Variants in COBL observed in about 807,000 individuals in gnomAD.
COBL encodes protein cordon-bleu.
A neutral mutation model predicts 98.8 loss-of-function variants in COBL; 51 were observed. The observed-to-expected ratio is 0.52, with a 90% CI of 0.41 to 0.65. The LOEUF (loss-of-function observed/expected upper bound fraction) is 0.65. COBL is among the 30% of genes least tolerant of loss of function. COBL has a pLI of 0.00. For synonymous variants in COBL, 634 were observed against 651.7 expected, an observed-to-expected ratio of 0.97 and a Z score of 0.41; for missense variants, 1,617 against 1,617.5, an observed-to-expected ratio of 1.00 and a Z score of 0.01.
intron 6 of COBL, among the ~76,000 whole-genome samples, chr7:51,103,080 A>G (rs1459229556): frequency 6.6e-6 from 1 of 152,224 alleles, no homozygotes; most frequent in East Asian, 1.9e-4. Context: ...AAAAAATAAC[A>G]TTCTTAAAAA....
chr7:51,284,447 A>G (rs1012645223), intron 1 of COBL, among the ~76,000 whole-genome samples: 1 of 152,186 alleles, frequency 6.6e-6, no homozygotes, highest in Non-Finnish European at 1.5e-5. Flanking sequence ...GTATCAATCA[A>G]AGCAAAGACA....
intron 5 of COBL, among the ~76,000 whole-genome samples, chr7:51,148,204 T>C (rs1182225542): frequency 6.6e-6 from 1 of 152,144 alleles, no homozygotes; most frequent in Non-Finnish European, 1.5e-5. Flanking sequence ...ATTTTACTAT[T>C]TACACGTTTG....
rs575247999 is a variant in COBL, at chr7:51,058,368, C to T, written c.1097-14676G>A. Among the ~76,000 whole-genome samples, 224 of 152,158 alleles carry T rather than the reference C, an allele frequency of 1.5e-3. 5 individuals are homozygous for T. Among genetic ancestry groups the T allele is most frequent in the Admixed American group, 0.014 (221 of 15,272 alleles). On this transcript the variant is annotated intron_variant, in intron 7 of 12. Coordinates refer to ENST00000265136, the MANE Select transcript of COBL (RefSeq NM_015198.5). Reference sequence around the variant, plus strand: ...TGTGAGACCAGCCTCAGCAACAAAGCGAGACCCTGTCTGTCTCTACAAAAA... The same window carrying T: ...TGTGAGACCAGCCTCAGCAACAAAGTGAGACCCTGTCTGTCTCTACAAAAA...
intron 1 of COBL, among the ~76,000 whole-genome samples, chr7:51,241,935 C>G (rs1795829749): frequency 7.0e-6 from 1 of 142,114 alleles, no homozygotes; most frequent in South Asian, 2.1e-4. Flanking sequence ...CTTCCTAGAC[C>G]TAAATCAAAA....
chr7:51,289,501 C>T (rs62448331), intron 1 of COBL, among the ~76,000 whole-genome samples: 3,724 of 152,338 alleles, frequency 0.024, 75 homozygotes, highest in Admixed American at 0.054. Context: ...CGGAGCTCTG[C>T]CGGGCAGCAG....
intron 4 of COBL, among the ~76,000 whole-genome samples, chr7:51,187,485 G>T (rs2129054535): frequency 6.6e-6 from 1 of 152,200 alleles, no homozygotes; most frequent in East Asian, 1.9e-4. Context: ...GTCTATGACA[G>T]AAAAGGTTAA....
At chr7:51,070,425 A>ACACACACACACAC (rs57774327) in intron 7 of COBL, among the ~76,000 whole-genome samples, 3 of 151,854 alleles carry the variant, frequency 2.0e-5, no homozygotes, top group Non-Finnish European at 2.9e-5. Context: ...ACACACACAC[A>ACACACACACACAC]AAATTCCGAG....
chr7:51,194,201 T>C (rs1426131873), intron 2 of COBL, among the ~76,000 whole-genome samples: 1 of 152,204 alleles, frequency 6.6e-6, no homozygotes, highest in Admixed American at 6.5e-5. Context: ...AGTGAGAACA[T>C]GCAGTATTTG....
intron 7 of COBL, among the ~76,000 whole-genome samples, chr7:51,066,157 G>T (rs1791901504): frequency 6.6e-6 from 1 of 152,210 alleles, no homozygotes; most frequent in Admixed American, 6.5e-5. Context: ...TGGCTTGACA[G>T]GCCCACACAT....
At chr7:51,042,416 G>A (rs1480281544) in intron 8 of COBL, among the ~76,000 whole-genome samples, 1 of 152,152 alleles carries the variant, frequency 6.6e-6, no homozygotes, top group Non-Finnish European at 1.5e-5. Context: ...ATGGAGTATA[G>A]TGGTACAATC....
In COBL at chr7:51,028,029, G is replaced by C. The variant is rs773343530; in HGVS notation, c.3067C>G (p.Pro1023Ala). 1.2e-6 allele frequency: 2 copies of C among 1,605,920 alleles called. No individual in the cohort carries two copies. Among genetic ancestry groups the C allele is most frequent in the East Asian group, 2.2e-5 (1 of 44,822 alleles). Residue 1023 changes from proline (P) to alanine (A), a missense_variant, in exon 10 of 13, where the codon CCT becomes GCT. By Grantham distance (27) the Pro-to-Ala change is conservative. Coordinates refer to ENST00000265136, the MANE Select transcript of COBL (RefSeq NM_015198.5). ...GCCTGAGTGTCAGATGTGTGTGGAGGGGGTGGGTCTGTACCATCAGGTGCG... is the reference window on the plus strand; with the variant it reads ...GCCTGAGTGTCAGATGTGTGTGGAGCGGGTGGGTCTGTACCATCAGGTGCG... ...RRAPDGTDPP[P>A]PHTSDTQACS... is the part of the protein sequence containing the mutation.
rs1430335986 is a variant in COBL, at chr7:51,029,020, G to A, written c.2076C>T (p.Gly692=). ...GTCTGTAGCTTTTCCCTGGGTTTTG[G>A]CCTCGTTGGTGCCATGATGTTGGTG... The part of the protein sequence containing the change: ...ALAPTSWHQR[G]QNPGKSYRLK... Residue 692 remains glycine, a synonymous_variant, in exon 10 of 13, where the codon GGC becomes GGT. Transcript: ENST00000265136. The A allele has an allele frequency of 1.2e-6, 2 of 1,614,156 alleles. No individual in the cohort carries two copies. Among genetic ancestry groups the A allele is most frequent in the Non-Finnish European group, 1.7e-6 (2 of 1,180,032 alleles).
intron 1 of COBL, among the ~76,000 whole-genome samples, chr7:51,232,409 GA>G (rs1353339211): frequency 3.3e-5 from 5 of 152,290 alleles, no homozygotes; most frequent in Middle Eastern, 3.4e-3. Flanking sequence ...TGGAAGGGGT[GA>G]AAATGGAGCC....
At chr7:51,241,253 C>CA (rs1414691878) in intron 1 of COBL, among the ~76,000 whole-genome samples, 1 of 152,234 alleles carries the variant, frequency 6.6e-6, no homozygotes, top group Non-Finnish European at 1.5e-5. Context: ...CAAAAGATTA[C>CA]ACACAAACTT....
At chr7:51,141,122 G>C (rs1275195822) in intron 5 of COBL, among the ~76,000 whole-genome samples, 1 of 148,014 alleles carries the variant, frequency 6.8e-6, no homozygotes, top group South Asian at 2.1e-4. Context: ...TGTTTAAATC[G>C]ATTTAAAAAA....
intron 6 of COBL, among the ~76,000 whole-genome samples, chr7:51,103,009 A>G (rs764442396): frequency 3.9e-5 from 6 of 151,996 alleles, no homozygotes; most frequent in Non-Finnish European, 7.4e-5. Context: ...GAGTGACAAC[A>G]CTCTTGTGCA....
intron 1 of COBL, among the ~76,000 whole-genome samples, chr7:51,245,722 G>C (rs1796226900): frequency 1.3e-5 from 2 of 152,176 alleles, no homozygotes; most frequent in South Asian, 4.1e-4. Flanking sequence ...AAAGGTTCTA[G>C]AGGGGCAATA....
intron 7 of COBL, among the ~76,000 whole-genome samples, chr7:51,063,503 G>A (rs979375002): frequency 6.6e-6 from 1 of 152,200 alleles, no homozygotes; most frequent in Non-Finnish European, 1.5e-5. Flanking sequence ...TTTTAAAAAT[G>A]AGGGTTTGAG....
chr7:51,260,914 A>G (rs1258546936), intron 1 of COBL, among the ~76,000 whole-genome samples: 1 of 152,164 alleles, frequency 6.6e-6, no homozygotes, highest in African/African-American at 2.4e-5. Context: ...TAGGGAGGGT[A>G]GGCTCAGATC....
Sources: allele counts gnomAD v4.1 joint callset (sites outside exome capture counted in the v4.1 genomes callset), GRCh38; gene constraint gnomAD v4.1.1; transcripts MANE v1.5; gene names NCBI Gene and HGNC (gene_info 2026-07-23, HGNC 2026-07-21).